CPXM2: variants seen among roughly 807,000 people sequenced by gnomAD.
The protein encoded by CPXM2 is carboxypeptidase X, M14 family member 2.
Under a neutral mutation model 86.1 loss-of-function variants are expected in CPXM2, and 66 were observed. That is an observed-to-expected ratio of 0.77 (90% CI 0.63 to 0.94). The LOEUF is 0.94. Ranked by LOEUF, CPXM2 falls within the 40% of genes least tolerant of loss-of-function variation. The probability of loss-of-function intolerance (pLI) is 0.00; values close to 1 mark genes in which losing one functional copy is unlikely to be tolerated. For missense variants in CPXM2, 948 were observed against 1,026.3 expected (o/e 0.92, Z 1.04); for synonymous variants, 388 against 400.2 (o/e 0.97, Z 0.36).
At chr10:123,917,220 G>C (rs1028331877) in intron 2 of CPXM2, among the ~76,000 whole-genome samples, 3 of 152,198 alleles carry the variant, frequency 2.0e-5, no homozygotes, top group African/African-American at 7.2e-5. Context: ...TCTCTCTAGA[G>C]GCGCCCATAG....
At chr10:123,749,307 C>A (rs115875110) in intron 13 of CPXM2, among the ~76,000 whole-genome samples, 1 of 152,058 alleles carries the variant, frequency 6.6e-6, no homozygotes, top group African/African-American at 2.4e-5. Context: ...AGGTTCTCAC[C>A]AAGGGAGGTG....
At chr10:123,787,625 C>T (rs1015340379) in intron 6 of CPXM2, among the ~76,000 whole-genome samples, 9 of 152,128 alleles carry the variant, frequency 5.9e-5, no homozygotes. Flanking sequence ...AGATCAAGTC[C>T]CATTACTGGG....
chr10:123,882,886 C>T lies in CPXM2; in HGVS notation c.305-2577G>A, dbSNP rs74366809. On this transcript the variant is annotated intron_variant, in intron 1 of 13. Transcript: ENST00000241305. Reference sequence around the variant, plus strand: ...GGCCCCACACTACAACACCATGGCCCGGGCACCTCCCAACACCATGGCCTG... The same window carrying T: ...GGCCCCACACTACAACACCATGGCCTGGGCACCTCCCAACACCATGGCCTG... Among the ~76,000 whole-genome samples, 596 of 151,086 alleles carry T rather than the reference C, an allele frequency of 3.9e-3. 4 individuals carry two copies. Among genetic ancestry groups the T allele is most frequent in the African/African-American group, 0.014 (566 of 41,036 alleles).
chr10:123,798,699 T>G (rs997822680), intron 5 of CPXM2, among the ~76,000 whole-genome samples: 2 of 152,152 alleles, frequency 1.3e-5, no homozygotes, highest in Non-Finnish European at 1.5e-5. Context: ...AATATGCACT[T>G]GAGAATCTGA....
intron 4 of CPXM2, among the ~76,000 whole-genome samples, chr10:123,818,737 T>C (rs7919826): frequency 0.029 from 4,378 of 152,216 alleles, 204 homozygotes; most frequent in African/African-American, 0.1. Context: ...GATAGAATGG[T>C]GGAATGGCCT....
intron 1 of CPXM2, among the ~76,000 whole-genome samples, chr10:123,880,828 CAA>C (rs71484548): frequency 3.7e-5 from 2 of 54,006 alleles, no homozygotes; most frequent in Admixed American, 2.5e-4. Context: ...GATTCCGTCT[CAA>C]AAAAAAAAAA....
chr10:123,752,210 T>C (rs944547407), intron 13 of CPXM2: 1 of 985,394 alleles, frequency 1.0e-6, no homozygotes, highest in South Asian at 4.7e-5. Flanking sequence ...ATTCCAGCTA[T>C]GCAATCTACA....
intron 2 of CPXM2, among the ~76,000 whole-genome samples, chr10:123,928,391 A>G (rs1307653718): frequency 6.6e-6 from 1 of 152,228 alleles, no homozygotes; most frequent in African/African-American, 2.4e-5. Context: ...ATTTTATTCT[A>G]TGTGAATTAT....
At chr10:123,921,116 G>A (rs955923010) in intron 2 of CPXM2, among the ~76,000 whole-genome samples, 7 of 152,114 alleles carry the variant, frequency 4.6e-5, no homozygotes, top group Admixed American at 1.3e-4. Flanking sequence ...GGAAAAGGGT[G>A]GAATAAATCT....
chr10:123,904,443 A>C (rs1056619098), intron 2 of CPXM2, among the ~76,000 whole-genome samples: 5 of 152,226 alleles, frequency 3.3e-5, no homozygotes, highest in African/African-American at 1.2e-4. Context: ...AAGTGGGTAT[A>C]ACAATCGTTC....
intron 3 of CPXM2, among the ~76,000 whole-genome samples, chr10:123,853,566 T>G (rs981466295): frequency 6.6e-6 from 1 of 152,104 alleles, no homozygotes; most frequent in Non-Finnish European, 1.5e-5. Context: ...TTTCCAGAGG[T>G]GTGTTGTGTT....
At chr10:123,811,603 T>A (rs1847697825) in intron 4 of CPXM2, among the ~76,000 whole-genome samples, 1 of 152,156 alleles carries the variant, frequency 6.6e-6, no homozygotes, top group Non-Finnish European at 1.5e-5. Context: ...TACATTAAAA[T>A]TTAAAACTTT....
chr10:123,760,123 C>A (rs1287576682), intron 11 of CPXM2, among the ~76,000 whole-genome samples: 1 of 152,114 alleles, frequency 6.6e-6, no homozygotes, highest in Non-Finnish European at 1.5e-5. Context: ...GAAATAATGG[C>A]AAATATAATG....
upstream of CPXM2, among the ~76,000 whole-genome samples, chr10:123,940,999 G>A (rs538636235): frequency 2.2e-3 from 325 of 150,214 alleles, 1 homozygote; most frequent in African/African-American, 7.4e-3. Flanking sequence ...GTGAAAGCCC[G>A]TCTCTACTAA....
Position 123,798,038 on chromosome 10 carries a change from T to G in CPXM2, c.827A>C (p.Gln276Pro), listed in dbSNP as rs1190339989. The G allele has an allele frequency of 2.5e-6, 4 of 1,611,874 alleles. No homozygotes were observed. The highest frequency in any genetic ancestry group is 3.4e-6 in the Non-Finnish European group (4 of 1,178,902). The change falls in exon 6 of 14, where the codon CAG (glutamine) becomes CCG (proline). Residue 276 changes from glutamine (Q) to proline (P), a missense_variant. Gln to Pro is a moderately conservative substitution (Grantham distance 76). Coordinates refer to ENST00000241305, the MANE Select transcript of CPXM2 (RefSeq NM_198148.3). ...MVARYIRINP[Q>P]SWFDNGSICM... ...GATGCTCCCATTATCAAACCAGGAC[T>G]GAGGGTTTATGCGGATGTAGCGGGC...
At chr10:123,780,843 T>C (rs182437793) in intron 6 of CPXM2, among the ~76,000 whole-genome samples, 12 of 152,276 alleles carry the variant, frequency 7.9e-5, no homozygotes, top group African/African-American at 2.9e-4. Context: ...CCAACATGAC[T>C]GGACAATCAG....
intron 4 of CPXM2, among the ~76,000 whole-genome samples, chr10:123,837,412 G>A (rs1426718747): frequency 6.6e-6 from 1 of 152,134 alleles, no homozygotes; most frequent in Non-Finnish European, 1.5e-5. Flanking sequence ...GATATACAGA[G>A]AATCATTTTG....
chr10:123,889,132 A>T (rs925496967), intron 1 of CPXM2, among the ~76,000 whole-genome samples: 2 of 152,228 alleles, frequency 1.3e-5, no homozygotes, highest in African/African-American at 4.8e-5. Context: ...AGGACTAAAG[A>T]GAGTCACTTC....
At chr10:123,825,377 T>A (rs1219707) in intron 4 of CPXM2, among the ~76,000 whole-genome samples, 2 of 151,834 alleles carry the variant, frequency 1.3e-5, no homozygotes, top group Non-Finnish European at 1.5e-5. Context: ...ACATGCTAAC[T>A]CAGCTGAATG....
Sources: gnomAD v4.1 joint callset for allele counts (sites outside exome capture counted in the v4.1 genomes callset) on GRCh38, gnomAD v4.1.1 for gene constraint, MANE v1.5 for transcripts, NCBI Gene and HGNC (gene_info 2026-07-23, HGNC 2026-07-21) for gene names.